CALHM6: variants seen among roughly 807,000 people sequenced by gnomAD.
The protein encoded by CALHM6 is calcium homeostasis modulator protein 6.
In CALHM6, 15 loss-of-function variants were observed where a neutral mutation model predicts 12.7. The ratio of observed to expected loss-of-function variants is 1.18; its 90% confidence interval spans 0.79 to 1.82. The LOEUF is 1.82. Among genes scored for constraint, CALHM6 ranks in the 40% most tolerant of loss-of-function variants. CALHM6 has a pLI of 0.00. For synonymous variants in CALHM6, 212 were observed against 193.7 expected (o/e 1.09, Z -0.78); for missense variants, 434 against 421.0 (o/e 1.03, Z -0.27).
In CALHM6 at chr6:116,461,881, G is replaced by C; in HGVS notation, c.-49G>C. On this transcript the variant is annotated 5_prime_UTR_variant, in exon 2 of 3. Transcript: ENST00000368605. Reference sequence around the variant, plus strand: ...ACCATTTGACAAGCAGGACAACGAAGAGGCAGAAGGATCTGGGCCTGTGCG... The same window carrying C: ...ACCATTTGACAAGCAGGACAACGAACAGGCAGAAGGATCTGGGCCTGTGCG... 1.4e-6 allele frequency: 2 copies of C among 1,429,256 alleles called. No individual in the cohort carries two copies. The highest frequency in any genetic ancestry group is 2.7e-5 in the East Asian group (1 of 36,516). The allele number at this position is 1,429,256 out of a possible 1,614,324, so 88.5% of individuals were successfully genotyped here.
rs369841393 is a variant in CALHM6, at chr6:116,463,294, G to A, written c.537G>A (p.Trp179Ter). 257 of 1,611,352 alleles carry A rather than the reference G, an allele frequency of 1.6e-4. No individual in the cohort carries two copies. Among genetic ancestry groups the A allele is most frequent in the Non-Finnish European group, 1.9e-4 (229 of 1,178,276 alleles). ...DLKAQSQVLG[W>*]ILIAVVIIIL... The stretch of plus-strand genomic sequence containing the variant: ...TGTGTTTTCTTAAGGTGTTGGGCTG[G>A]ATCTTGATAGCAGTTGTTATCATCA... Residue 179 changes from tryptophan to a stop codon, truncating the protein, a stop_gained, in exon 3 of 3, where the codon TGG (tryptophan) becomes TGA (stop). Coordinates refer to ENST00000368605, the MANE Select transcript of CALHM6 (RefSeq NM_001010919.3). LOFTEE classifies it low-confidence loss of function (END_TRUNC).
At position 116,462,142 on chromosome 6, in the gene CALHM6, C is replaced by T. The variant is rs1346086414; in HGVS notation, c.213C>T (p.Ser71=). The T allele has an allele frequency of 2.0e-6, 3 of 1,532,388 alleles. No individual in the cohort carries two copies. Among genetic ancestry groups the T allele is most frequent in the East Asian group, 2.5e-5 (1 of 40,428 alleles). 94.9% of individuals were successfully genotyped at this position (1,532,388 alleles called of 1,614,324 possible). A position where few individuals can be genotyped will look rare whatever the true frequency, so the allele number is the denominator to read the frequency against. ...TCTTCCTCCTGGGCTACGTGCTGAG[C>T]GCACGCACGTGGCGCCTGCTCACCG... is the stretch of plus-strand genomic sequence containing the variant. ...LALFLLGYVL[S]ARTWRLLTGC... Residue 71 remains serine, a synonymous_variant, in exon 2 of 3, where the codon AGC becomes AGT. Coordinates refer to ENST00000368605, the MANE Select transcript of CALHM6 (RefSeq NM_001010919.3).
rs1283072377 is a variant in CALHM6 at position 116,462,267 on chromosome 6, G to A, written c.338G>A (p.Trp113Ter). 6.5e-5 allele frequency: 90 copies of A among 1,377,812 alleles called. No homozygotes were observed. Among genetic ancestry groups the A allele is most frequent in the Non-Finnish European group, 8.2e-5 (88 of 1,073,490 alleles). The allele number at this position is 1,377,812 out of a possible 1,614,324, so 85.3% of individuals were successfully genotyped here. The change falls in exon 2 of 3, where the codon TGG (tryptophan) becomes TAG (stop). Residue 113 changes from tryptophan (W) to a stop codon, truncating the protein, a stop_gained. Transcript: ENST00000368605. LOFTEE classifies it high-confidence loss of function. The part of the protein sequence containing the change: ...SAAAALAPLT[W>*]VAVALLGGAF... ...GCCGCCGCGCTCGCGCCCCTCACCT[G>A]GGTGGCCGTGGCGCTGCTCGGGGGC... is the stretch of plus-strand genomic sequence containing the variant.
chr6:116,463,481 G>T lies in CALHM6; in HGVS notation c.724G>T (p.Glu242Ter). ...AAAAGAGAATATTAAATGTTTCTTT[G>T]AGGGCTCGCATCCAAAAGAATATAA... ...LAKENIKCFF[E>*]GSHPKEYNTP... is the part of the protein sequence containing the mutation. Residue 242 changes from glutamate (E) to a stop codon, truncating the protein, a stop_gained, in exon 3 of 3, where the codon GAG (glutamate) becomes TAG (stop). Coordinates refer to ENST00000368605, the MANE Select transcript of CALHM6 (RefSeq NM_001010919.3). LOFTEE classifies it low-confidence loss of function (END_TRUNC). The T allele has an allele frequency of 6.2e-7, 1 of 1,614,166 alleles. No homozygotes were observed. The highest frequency in any genetic ancestry group is 1.1e-5 in the South Asian group (1 of 91,088).
chr6:116,463,519 G>C lies in CALHM6; in HGVS notation c.762G>C (p.Met254Ile), dbSNP rs147798585. The C allele has an allele frequency of 2.6e-3, 4,142 of 1,614,158 alleles. 85 individuals are homozygous for C. In the Admixed American group the frequency reaches 0.029, roughly 11 times the overall value. The change falls in exon 3 of 3, where the codon ATG (methionine) becomes ATC (isoleucine). Residue 254 changes from methionine to isoleucine, a missense_variant. By Grantham distance (10) the Met-to-Ile change is conservative. Transcript: ENST00000368605. The stretch of plus-strand genomic sequence containing the variant: ...CAAAAGAATATAACACTCCAAGCAT[G>C]AAAGAGTGGCAGCAAATTTCATCAC... ...SHPKEYNTPS[M>I]KEWQQISSLY...
Position 116,461,917 on chromosome 6 carries a change from G to A in CALHM6, c.-13G>A, listed in dbSNP as rs1784777205. ...ATCTGGGCCTGTGCGCGACGCCCCG[G>A]GGGACGAGGCTCATGGAGAAGTTTC... On this transcript the variant is annotated 5_prime_UTR_variant, in exon 2 of 3. Coordinates refer to ENST00000368605, the MANE Select transcript of CALHM6 (RefSeq NM_001010919.3). 2 of 1,488,100 alleles carry A rather than the reference G, an allele frequency of 1.3e-6. No individual in the cohort carries two copies. The highest frequency in any genetic ancestry group is 2.6e-5 in the South Asian group (2 of 76,374). The allele number at this position is 1,488,100 out of a possible 1,614,324, so 92.2% of individuals were successfully genotyped here. A position where few individuals can be genotyped will look rare whatever the true frequency, so the allele number is the denominator to read the frequency against.
chr6:116,463,106 G>A (rs1434692210), intron 2 of CALHM6, among the ~76,000 whole-genome samples, 177 bp from the exon 3 acceptor site: 1 of 152,166 alleles, frequency 6.6e-6, no homozygotes, highest in Non-Finnish European at 1.5e-5. Flanking sequence ...CAAACGAGAA[G>A]TTGTACTGGG....
rs779771068 is a variant in CALHM6, at chr6:116,462,358, C to A, written c.429C>A (p.Asn143Lys). 9.6e-6 allele frequency: 14 copies of A among 1,453,268 alleles called. No individual in the cohort carries two copies. The East Asian group carries it at 2.4e-4, about 25-fold the overall frequency. 90.0% of individuals were successfully genotyped at this position (1,453,268 alleles called of 1,614,324 possible). Reference sequence around the variant, plus strand: ...CGCAGCGCCTGTGCCTCGGCCGCAACCGCAGCTGCGCCGCGGAGCTGCCGC... The same window carrying A: ...CGCAGCGCCTGTGCCTCGGCCGCAAACGCAGCTGCGCCGCGGAGCTGCCGC... ...AFAQRLCLGR[N>K]RSCAAELPLV... The change falls in exon 2 of 3, where the codon AAC (asparagine) becomes AAA (lysine). Residue 143 changes from asparagine (N) to lysine (K), a missense_variant. Transcript: ENST00000368605.
In CALHM6 at chr6:116,461,877, C is replaced by G; in HGVS notation, c.-53C>G. 1 of 1,426,674 alleles carries G rather than the reference C, an allele frequency of 7.0e-7. No individual in the cohort carries two copies. The highest frequency in any genetic ancestry group is 9.2e-7 in the Non-Finnish European group (1 of 1,086,130). The allele number at this position is 1,426,674 out of a possible 1,614,324, so 88.4% of individuals were successfully genotyped here. ...CAAAACCATTTGACAAGCAGGACAA[C>G]GAAGAGGCAGAAGGATCTGGGCCTG... On this transcript the variant is annotated 5_prime_UTR_variant, in exon 2 of 3. Coordinates refer to ENST00000368605, the MANE Select transcript of CALHM6 (RefSeq NM_001010919.3).
Position 116,463,312 on chromosome 6 carries a change from TATCATCATTC to T in CALHM6, c.556_565del (p.Ile186PhefsTer2), listed in dbSNP as rs750516206. 18 of 1,613,856 alleles carry T rather than the reference TATCATCATTC, an allele frequency of 1.1e-5. No individual in the cohort carries two copies. The highest frequency in any genetic ancestry group is 1.4e-5 in the Non-Finnish European group (17 of 1,179,946). On this transcript the variant is annotated frameshift_variant, in exon 3 of 3. Transcript: ENST00000368605. LOFTEE classifies it low-confidence loss of function (END_TRUNC). Reference sequence around the variant, plus strand: ...TGGGCTGGATCTTGATAGCAGTTGTTATCATCATTCTTCTGATTTTTACATCTGTCACCCG... The same window carrying T: ...TGGGCTGGATCTTGATAGCAGTTGTTTTCTGATTTTTACATCTGTCACCCG...
At chr6:116,462,534 C>A in intron 2 of CALHM6, 80 bp downstream of exon 2, 4 of 1,064,830 alleles carry the variant, frequency 3.8e-6, no homozygotes, top group Admixed American at 3.4e-5. Flanking sequence ...AGGGAAAAAT[C>A]GGTGACTTTT....
rs1255922711 is a variant in CALHM6, at chr6:116,463,703, T to C, written c.946T>C (p.Ter316ArgextTer4). 1.3e-6 allele frequency: 2 copies of C among 1,545,736 alleles called. No individual in the cohort carries two copies. Among genetic ancestry groups the C allele is most frequent in the East Asian group, 2.3e-5 (1 of 43,818 alleles). ...SSGINSTPEL[*>R] is the part of the protein sequence containing the mutation. ...TGGTATAAACAGCACTCCTGAGTTA[T>C]GACCTTTTGAATGAGTAGAAAAAAA... The change falls in exon 3 of 3, where the codon TGA becomes CGA. Residue 316 changes from the stop codon to arginine (R), a stop_lost. Coordinates refer to ENST00000368605, the MANE Select transcript of CALHM6 (RefSeq NM_001010919.3).
At chr6:116,462,787 A>G (rs1034226894) in intron 2 of CALHM6, among the ~76,000 whole-genome samples, 1 of 152,074 alleles carries the variant, frequency 6.6e-6, no homozygotes, top group African/African-American at 2.4e-5. Flanking sequence ...GTTGGGTGCA[A>G]AATTGCGGTT....
chr6:116,463,365 G>A lies in CALHM6; in HGVS notation c.608G>A (p.Ser203Asn). The change falls in exon 3 of 3, where the codon AGT (serine) becomes AAT (asparagine). Residue 203 changes from serine (S) to asparagine (N), a missense_variant. Transcript: ENST00000368605. ...TSVTRCLSPV[S>N]FLQLKFWKIY... Reference sequence around the variant, plus strand: ...GTCACCCGATGCCTATCTCCAGTTAGTTTTCTGCAGCTGAAATTCTGGAAA... The same window carrying A: ...GTCACCCGATGCCTATCTCCAGTTAATTTTCTGCAGCTGAAATTCTGGAAA... 8 of 1,614,070 alleles carry A rather than the reference G, an allele frequency of 5.0e-6. No individual in the cohort carries two copies. Among genetic ancestry groups the A allele is most frequent in the Non-Finnish European group, 6.8e-6 (8 of 1,180,016 alleles).
intron 2 of CALHM6, among the ~76,000 whole-genome samples, chr6:116,462,947 C>T (rs906868728): frequency 3.3e-5 from 5 of 152,182 alleles, no homozygotes; most frequent in African/African-American, 1.2e-4. Flanking sequence ...CTAAAGCCAC[C>T]ACTGGACTTA....
chr6:116,462,712 T>C (rs1784806065), intron 2 of CALHM6, among the ~76,000 whole-genome samples: 1 of 152,154 alleles, frequency 6.6e-6, no homozygotes, highest in African/African-American at 2.4e-5. Context: ...GCACGCCTAC[T>C]CAGTGCCAGA....
chr6:116,462,009 C>T lies in CALHM6; in HGVS notation c.80C>T (p.Thr27Met), dbSNP rs1428237934. ...GGCTACGGCCTGGTGACCCTGCTGA[C>T]GGCGGGCGGGGAGCGCATCTTCTCC... ...ALGYGLVTLL[T>M]AGGERIFSAV... The change falls in exon 2 of 3, where the codon ACG becomes ATG. Residue 27 changes from threonine (T) to methionine (M), a missense_variant. Thr to Met is a moderately conservative substitution (Grantham distance 81). Transcript: ENST00000368605. The T allele has an allele frequency of 1.9e-6, 3 of 1,548,600 alleles. No homozygotes were observed. The highest frequency in any genetic ancestry group is 2.7e-5 in the African/African-American group (2 of 72,890).
intron 1 of CALHM6, 58 bp from the exon 2 acceptor site, chr6:116,461,814 G>C: frequency 1.2e-6 from 1 of 817,644 alleles, no homozygotes; most frequent in Non-Finnish European, 1.6e-6. Context: ...AAAAAAGGCT[G>C]CTTCTCGCAG....
chr6:116,461,381 T>C lies in CALHM6; in HGVS notation c.-107T>C, dbSNP rs934470627. 1.1e-5 allele frequency: 17 copies of C among 1,548,954 alleles called. No homozygotes were observed. The highest frequency in any genetic ancestry group is 1.4e-5 in the Non-Finnish European group (16 of 1,145,650). On this transcript the variant is annotated 5_prime_UTR_variant, in exon 1 of 3. Transcript: ENST00000368605. The stretch of plus-strand genomic sequence containing the variant: ...AGAACTTGAGCTGGACTTTGCTGAT[T>C]TAGCTTATGGAAGAGGAACCAGAAA...
Sources: gnomAD v4.1 joint callset for allele counts (sites outside exome capture counted in the v4.1 genomes callset) on GRCh38, gnomAD v4.1.1 for gene constraint, MANE v1.5 for transcripts, NCBI Gene and HGNC (gene_info 2026-07-23, HGNC 2026-07-21) for gene names.